NEB: variants seen among roughly 807,000 people sequenced by gnomAD.
The protein encoded by NEB is nebulin.
NEB carries 512 observed loss-of-function variants against 952.2 expected under a neutral mutation model. The ratio of observed to expected loss-of-function variants is 0.54; its 90% CI spans 0.50 to 0.58. The LOEUF is 0.58. NEB is among the 20% of genes least tolerant of loss of function. NEB has a pLI of 0.00. For synonymous variants in NEB, 2,900 were observed against 3,149.8 expected, an observed-to-expected ratio of 0.92 and a Z score of 2.66; for missense variants, 8,428 against 9,231.1, an observed-to-expected ratio of 0.91 and a Z score of 3.56.
rs761050007 is a variant in NEB at position 151,663,798 on chromosome 2, T to G, written c.5513A>C (p.Glu1838Ala). The change falls in exon 45 of 182, where the codon GAA becomes GCA. Residue 1838 changes from glutamate (E) to alanine (A), a missense_variant. Around this residue, in one of 11 missense-constraint regions of NEB, gnomAD observed 2,851 missense variants for 2,791.5 expected, o/e 1.02. Coordinates refer to ENST00000397345, the MANE Select transcript of NEB (RefSeq NM_001164508.2). ...GAAGTGCACCAGCTTGGGGTCATCTTCCAGGCTCCGGAAGCCAATGTGTTT... is the reference window on the plus strand; with the variant it reads ...GAAGTGCACCAGCTTGGGGTCATCTGCCAGGCTCCGGAAGCCAATGTGTTT... ...KGKHIGFRSL[E>A]DDPKLVHFMQ... The G allele has an allele frequency of 1.9e-6, 3 of 1,613,880 alleles. No homozygotes were observed. The South Asian group carries it at 3.3e-5, about 18-fold the overall frequency.
At chr2:151,710,143 A>G (rs1020922224) in intron 11 of NEB, among the ~76,000 whole-genome samples, 1 of 152,266 alleles carries the variant, frequency 6.6e-6, no homozygotes, top group African/African-American at 2.4e-5. Flanking sequence ...AATTAAAAAG[A>G]GTCCCTTTAA....
chr2:151,513,172 G>A lies in NEB; in HGVS notation c.23242-335C>T, dbSNP rs539688897. ...AAAAGACCCATACCAATGAGCATTA[G>A]ACAAGCTAAGATGCCTAAAAACTGT... On this transcript the variant is annotated intron_variant, in intron 160 of 181. Transcript: ENST00000397345. Among the ~76,000 whole-genome samples, 4 of 152,326 alleles carry A rather than the reference G, an allele frequency of 2.6e-5. No homozygotes were observed. The South Asian group carries it at 8.3e-4, about 32-fold the overall frequency.
intron 11 of NEB, 24 bp downstream of exon 11, chr2:151,710,410 A>G (rs370036294): frequency 1.3e-6 from 2 of 1,532,986 alleles, no homozygotes; most frequent in South Asian, 1.2e-5. Context: ...AGGATGACCA[A>G]CCAGCCATCC....
At chr2:151,643,735 C>A in intron 57 of NEB, 83 bp downstream of exon 57, 3 of 1,551,014 alleles carry the variant, frequency 1.9e-6, no homozygotes, top group Admixed American at 3.7e-5. Flanking sequence ...ATTGTGTAAA[C>A]TCAACTCTGC....
intron 9 of NEB, among the ~76,000 whole-genome samples, chr2:151,720,646 A>T (rs1410315940): frequency 6.6e-6 from 1 of 152,146 alleles, no homozygotes; most frequent in Non-Finnish European, 1.5e-5. Flanking sequence ...CATTTGATAG[A>T]TGAAGGGAGA....
intron 157 of NEB, 67 bp from the exon 158 acceptor site, chr2:151,514,995 A>G: frequency 1.0e-6 from 1 of 997,168 alleles, no homozygotes; most frequent in South Asian, 1.5e-5. Flanking sequence ...TCTCCATCTC[A>G]GGAAGAAAAA....
At chr2:151,698,637 T>C in intron 13 of NEB, among the ~76,000 whole-genome samples, 1 of 127,602 alleles carries the variant, frequency 7.8e-6, no homozygotes, top group South Asian at 2.3e-4. Flanking sequence ...CTTCATTAAT[T>C]TTTTTTTTTT....
Position 151,575,735 on chromosome 2 carries a change from T to C in NEB, c.16973A>G (p.Glu5658Gly). The change falls in exon 107 of 182, where the codon GAA becomes GGA. Residue 5658 changes from glutamate (E) to glycine (G), a missense_variant. By Grantham distance (98) the Glu-to-Gly change is moderately conservative. Transcript: ENST00000397345. The stretch of plus-strand genomic sequence containing the variant: ...AGCATTTGCTCTAGCGAGATTAATT[T>C]CTGGAGTATCTGGCATTATGTGTAT... ...TSIHIMPDTPEINLARANALN... is the reference protein window; with the variant it reads ...TSIHIMPDTPGINLARANALN... 1 of 1,610,376 alleles carries C rather than the reference T, an allele frequency of 6.2e-7. No homozygotes were observed. The highest frequency in any genetic ancestry group is 8.5e-7 in the Non-Finnish European group (1 of 1,176,542).
chr2:151,627,439 G>T (rs903561457), intron 69 of NEB, 84 bp downstream of exon 69: 8 of 1,544,174 alleles, frequency 5.2e-6, no homozygotes, highest in Middle Eastern at 1.7e-4. Flanking sequence ...CCTTCTGAAG[G>T]TTCTACCTAA....
intron 178 of NEB, 43 bp from the exon 179 acceptor site, chr2:151,491,818 T>G: frequency 6.9e-7 from 1 of 1,452,546 alleles, no homozygotes; most frequent in Non-Finnish European, 9.4e-7. Context: ...TCTTGGAGTT[T>G]TCCAATAACT....
In NEB at chr2:151,498,254, A is replaced by AAAT; in HGVS notation, c.24207+3_24207+5dup. On this transcript the variant is annotated splice_donor_region_variant and intron_variant, in intron 170 of 181. Coordinates refer to ENST00000397345, the MANE Select transcript of NEB (RefSeq NM_001164508.2). ...TGGCATTTTTTCCCCTTTCTTTCCA[A>AAAT]AATACCGAGCTAAGGTTTTCTTGAT... is the stretch of plus-strand genomic sequence containing the variant. 6.4e-7 allele frequency: 1 copy of AAAT among 1,551,340 alleles called. No individual in the cohort carries two copies.
chr2:151,615,221 T>C (rs2098152237), intron 76 of NEB, among the ~76,000 whole-genome samples: 1 of 152,240 alleles, frequency 6.6e-6, no homozygotes, highest in African/African-American at 2.4e-5. Flanking sequence ...ATACGGTGTG[T>C]GTCCTTAACC....
At chr2:151,570,745 T>A (rs2096597165) in intron 107 of NEB, 144 bp from the exon 108 acceptor site, 2 of 706,272 alleles carry the variant, frequency 2.8e-6, no homozygotes, top group Non-Finnish European at 5.0e-6. Context: ...ATGAGAATCA[T>A]TCTATGCACC....
In NEB at chr2:151,498,248, T is replaced by C; in HGVS notation, c.24207+12A>G. The C allele has an allele frequency of 6.4e-7, 1 of 1,551,248 alleles. No individual in the cohort carries two copies. The highest frequency in any genetic ancestry group is 8.7e-7 in the Non-Finnish European group (1 of 1,146,586). On this transcript the variant is annotated intron_variant, in intron 170 of 181. Transcript: ENST00000397345. ...GTTAAGTGGCATTTTTTCCCCTTTC[T>C]TTCCAAAATACCGAGCTAAGGTTTT...
At position 151,691,958 on chromosome 2, in the gene NEB, T is replaced by C. The variant is rs761030565; in HGVS notation, c.2117A>G (p.Lys706Arg). The C allele has an allele frequency of 3.7e-6, 6 of 1,611,838 alleles. No homozygotes were observed. Among genetic ancestry groups the C allele is most frequent in the Non-Finnish European group, 4.2e-6 (5 of 1,178,580 alleles). ...TCCTTTATCTTCTTCATATTCTGCT[T>C]TGTAACTTTTCTATAATGAGAAAAA... Reference protein sequence around the residue: ...VAAQNSDKSYKAEYEEDKGKC... With the variant: ...VAAQNSDKSYRAEYEEDKGKC... The change falls in exon 23 of 182, where the codon AAA (lysine) becomes AGA (arginine). Residue 706 changes from lysine to arginine, a missense_variant. Physicochemically the swap from Lys to Arg is conservative, Grantham distance 26. Transcript: ENST00000397345.
At position 151,525,053 on chromosome 2, in the gene NEB, A is replaced by C. The variant is rs1018567458; in HGVS notation, c.22272+110T>G. On this transcript the variant is annotated intron_variant, in intron 151 of 181. Coordinates refer to ENST00000397345, the MANE Select transcript of NEB (RefSeq NM_001164508.2). The stretch of plus-strand genomic sequence containing the variant: ...ACCAATTCTCGCCACTAACTTTTTG[A>C]AACTACCACAGAGGAATTAGAGTGA... 10 of 843,746 alleles carry C rather than the reference A, an allele frequency of 1.2e-5. No homozygotes were observed. The Admixed American group carries it at 2.2e-4, about 19-fold the overall frequency. The allele number at this position is 843,746 out of a possible 1,614,324, so 52.3% of individuals were successfully genotyped here.
chr2:151,560,497 TG>T, intron 124 of NEB, 94 bp downstream of exon 124: 1 of 994,842 alleles, frequency 1.0e-6, no homozygotes, highest in Non-Finnish European at 1.5e-6. Flanking sequence ...GGGGTACTTC[TG>T]GACAACGTAT....
At chr2:151,491,872 T>A (rs2056875777) in intron 178 of NEB, 97 bp from the exon 179 acceptor site, 1 of 1,067,652 alleles carries the variant, frequency 9.4e-7, no homozygotes, top group Non-Finnish European at 1.4e-6. Context: ...AAGGATTGAA[T>A]CACACTTATT....
chr2:151,697,537 T>G lies in NEB; in HGVS notation c.1257+7A>C. 2 of 1,610,668 alleles carry G rather than the reference T, an allele frequency of 1.2e-6. No individual in the cohort carries two copies. The highest frequency in any genetic ancestry group is 1.1e-5 in the South Asian group (1 of 90,560). ...TTAACAGAAAGAGTGACAGTAGGATTGCTTACATCACTACTGAAGTTCTGC... is the reference window on the plus strand; with the variant it reads ...TTAACAGAAAGAGTGACAGTAGGATGGCTTACATCACTACTGAAGTTCTGC... On this transcript the variant is annotated splice_region_variant and intron_variant, in intron 14 of 181. Coordinates refer to ENST00000397345, the MANE Select transcript of NEB (RefSeq NM_001164508.2).
Sources: gnomAD v4.1 joint callset for allele counts (sites outside exome capture counted in the v4.1 genomes callset) on GRCh38, gnomAD v4.1.1 for gene constraint, gnomAD v4.1.1 regional missense constraint, MANE v1.5 for transcripts, NCBI Gene and HGNC (gene_info 2026-07-23, HGNC 2026-07-21) for gene names.